Variants in DLG2 observed in about 807,000 individuals in gnomAD.
DLG2 encodes the protein disks large homolog 2.
DLG2 carries 45 observed loss-of-function variants against 132.5 expected under a neutral mutation model. The ratio of observed to expected loss-of-function variants is 0.34; its 90% CI spans 0.27 to 0.44. The LOEUF is 0.44. Ranked by LOEUF, DLG2 falls within the 20% of genes least tolerant of loss-of-function variation. DLG2 has a pLI of 1.00. For synonymous variants in DLG2, 424 were observed against 419.6 expected, an observed-to-expected ratio of 1.01 and a Z score of -0.13; for missense variants, 1,045 against 1,196.9, an observed-to-expected ratio of 0.87 and a Z score of 1.87.
intron 18 of DLG2, among the ~76,000 whole-genome samples, chr11:83,719,369 A>C (rs1321050984): frequency 6.6e-6 from 1 of 152,210 alleles, no homozygotes; most frequent in Non-Finnish European, 1.5e-5. Flanking sequence ...CTCAAAGGAG[A>C]TGTCTTAGTC....
intron 21 of DLG2, among the ~76,000 whole-genome samples, chr11:83,515,332 T>C (rs1252296029): frequency 6.6e-6 from 1 of 152,230 alleles, no homozygotes; most frequent in East Asian, 1.9e-4. Context: ...TTTATAGTAT[T>C]CTCTGATGGT....
rs552897998 is a variant in DLG2, at chr11:83,884,201, G to T, written c.1497-9713C>A. On this transcript the variant is annotated intron_variant, in intron 15 of 27. Coordinates refer to ENST00000376104, the MANE Select transcript of DLG2 (RefSeq NM_001142699.3). ...TTTCCTTTCCTAGTCAAAGAAAGGG[G>T]TGACAGATGGCACCTGGAAAATCGG... is the stretch of plus-strand genomic sequence containing the variant. Among the ~76,000 whole-genome samples, 134 of 152,326 alleles carry T rather than the reference G, an allele frequency of 8.8e-4. 1 individual carries two copies. Among genetic ancestry groups the T allele is most frequent in the African/African-American group, 3.0e-3 (126 of 41,578 alleles).
chr11:84,964,220 A>G lies in DLG2; in HGVS notation c.357+147441T>C, dbSNP rs151031650. ...AAAACAGAAAAGTATTTGATTGGAA[A>G]TCATCTTTGTGACCTCTTTGGTTTG... On this transcript the variant is annotated intron_variant, in intron 6 of 27. Coordinates refer to ENST00000376104, the MANE Select transcript of DLG2 (RefSeq NM_001142699.3). Among the ~76,000 whole-genome samples the G allele has an allele frequency of 6.6e-5, 10 of 152,206 alleles. No individual in the cohort carries two copies. The East Asian group carries it at 1.9e-3, about 29-fold the overall frequency.
At chr11:84,192,063 T>G (rs2096419753) in intron 8 of DLG2, among the ~76,000 whole-genome samples, 1 of 150,462 alleles carries the variant, frequency 6.6e-6, no homozygotes, top group African/African-American at 2.4e-5. Context: ...GACACATTAA[T>G]CCAAAGAATT....
At chr11:85,572,847 T>G (rs571042686) in intron 3 of DLG2, among the ~76,000 whole-genome samples, 1 of 152,338 alleles carries the variant, frequency 6.6e-6, no homozygotes, top group South Asian at 2.1e-4. Flanking sequence ...TAACCTTTGA[T>G]ATAGTTTGGA....
chr11:83,846,169 A>G (rs1226504199), intron 16 of DLG2, among the ~76,000 whole-genome samples: 1 of 152,222 alleles, frequency 6.6e-6, no homozygotes, highest in Non-Finnish European at 1.5e-5. Context: ...GTGGAAAGGA[A>G]AGTAGAGGGT....
At chr11:85,340,491 C>A (rs574173151) in intron 3 of DLG2, among the ~76,000 whole-genome samples, 4 of 142,694 alleles carry the variant, frequency 2.8e-5, no homozygotes, top group East Asian at 4.6e-4. Flanking sequence ...GCCTGTTGGG[C>A]GGGTGGGGGC....
chr11:85,139,882 A>G (rs1394321302), intron 5 of DLG2, among the ~76,000 whole-genome samples: 1 of 152,008 alleles, frequency 6.6e-6, no homozygotes, highest in East Asian at 1.9e-4. Flanking sequence ...ACACACAGAT[A>G]GATAGATTCC....
chr11:85,408,800 T>A (rs566556162), intron 3 of DLG2, among the ~76,000 whole-genome samples: 1 of 151,742 alleles, frequency 6.6e-6, no homozygotes, highest in East Asian at 1.9e-4. Flanking sequence ...CTATCATTGT[T>A]GGACATTTGG....
intron 21 of DLG2, among the ~76,000 whole-genome samples, chr11:83,486,883 A>AAGAG (rs1491524188): frequency 2.6e-5 from 4 of 152,118 alleles, no homozygotes; most frequent in African/African-American, 9.7e-5. Flanking sequence ...TTTCAACTAT[A>AAGAG]AGAGAGACTA....
chr11:84,224,880 A>T (rs2096967996), intron 8 of DLG2, among the ~76,000 whole-genome samples: 1 of 152,096 alleles, frequency 6.6e-6, no homozygotes, highest in Non-Finnish European at 1.5e-5. Context: ...TTTGTATATG[A>T]CTGTCTTATC....
chr11:84,128,333 G>A (rs1317683003), intron 9 of DLG2, among the ~76,000 whole-genome samples: 1 of 152,132 alleles, frequency 6.6e-6, no homozygotes, highest in Non-Finnish European at 1.5e-5. Context: ...TACTGTCAAT[G>A]TATACTTTGT....
intron 9 of DLG2, among the ~76,000 whole-genome samples, chr11:84,106,567 T>C (rs959983356): frequency 7.2e-5 from 11 of 152,252 alleles, no homozygotes; most frequent in African/African-American, 2.6e-4. Flanking sequence ...AGGAATTGCA[T>C]TTAGGATGCC....
chr11:85,599,052 A>T (rs1484191904), intron 2 of DLG2, among the ~76,000 whole-genome samples: 2 of 152,194 alleles, frequency 1.3e-5, no homozygotes, highest in Non-Finnish European at 2.9e-5. Flanking sequence ...ACGATGTTCA[A>T]GTTAGATATA....
chr11:83,911,162 A>G (rs1444018504), intron 15 of DLG2, among the ~76,000 whole-genome samples: 1 of 152,096 alleles, frequency 6.6e-6, no homozygotes, highest in African/African-American at 2.4e-5. Flanking sequence ...AAAACCAAAG[A>G]AAGATGGGAA....
intron 11 of DLG2, among the ~76,000 whole-genome samples, chr11:84,033,442 C>A (rs574178897): frequency 6.6e-6 from 1 of 151,998 alleles, no homozygotes; most frequent in South Asian, 2.1e-4. Flanking sequence ...GCTGCAATCT[C>A]GTAATAAAAC....
intron 9 of DLG2, among the ~76,000 whole-genome samples, chr11:84,148,869 T>C (rs1253140027): frequency 6.6e-6 from 1 of 152,170 alleles, no homozygotes; most frequent in Non-Finnish European, 1.5e-5. Context: ...TCCACGTCCC[T>C]ACCAACATCT....
At chr11:85,466,490 G>A (rs1158267504) in intron 3 of DLG2, among the ~76,000 whole-genome samples, 1 of 152,158 alleles carries the variant, frequency 6.6e-6, no homozygotes, top group Non-Finnish European at 1.5e-5. Flanking sequence ...TTTTGTATAA[G>A]GTGTAAGGGA....
intron 22 of DLG2, chr11:83,483,383 A>C: frequency 9.7e-7 from 1 of 1,026,712 alleles, no homozygotes; most frequent in Non-Finnish European, 1.5e-6. Flanking sequence ...GTTGAAATGA[A>C]TACTACCATG....
Sources: allele counts gnomAD v4.1 joint callset (sites outside exome capture counted in the v4.1 genomes callset), GRCh38; gene constraint gnomAD v4.1.1; transcripts MANE v1.5; gene names NCBI Gene and HGNC (gene_info 2026-07-23, HGNC 2026-07-21).